The following KIAA0825 variants were observed in gnomAD, a reference collection of about 807,000 sequenced individuals.
The protein encoded by KIAA0825 is uncharacterized protein KIAA0825.
Under a neutral mutation model 147.6 loss-of-function variants are expected in KIAA0825, and 119 were observed. The ratio of observed to expected loss-of-function variants is 0.81; its 90% confidence interval spans 0.69 to 0.94. The LOEUF is 0.94. Ranked by LOEUF, KIAA0825 falls within the 40% of genes least tolerant of loss-of-function variation. The pLI, the probability that KIAA0825 is intolerant of heterozygous loss-of-function variation, is 0.00. For missense variants in KIAA0825, 1,381 were observed against 1,472.7 expected, an observed-to-expected ratio of 0.94 and a Z score of 1.02; for synonymous variants, 470 against 518.1, an observed-to-expected ratio of 0.91 and a Z score of 1.26.
intron 20 of KIAA0825, among the ~76,000 whole-genome samples, chr5:94,362,090 C>A (rs992658100): frequency 6.6e-6 from 1 of 152,188 alleles, no homozygotes; most frequent in Non-Finnish European, 1.5e-5. Context: ...GAAGGTACAT[C>A]CTATCCAAGC....
At chr5:94,568,077 C>T (rs114365608) in intron 2 of KIAA0825, 2 of 164,442 alleles carry the variant, frequency 1.2e-5, no homozygotes, top group Non-Finnish European at 2.6e-5. Flanking sequence ...ATGGTAGTCA[C>T]AATCGGCATC....
At chr5:94,191,529 A>T (rs1353826624) in intron 20 of KIAA0825, among the ~76,000 whole-genome samples, 2 of 152,332 alleles carry the variant, frequency 1.3e-5, no homozygotes, top group Admixed American at 6.5e-5. Context: ...GACTTTTAGG[A>T]TTCATTAAAA....
rs114078901 is a variant in KIAA0825, at chr5:94,394,620, A to G, written c.3296+1481T>C. ...CATTGCTTTAAATGGACCTTATTTG[A>G]TATAGGGGCTACTAAATGAGCAGTA... On this transcript the variant is annotated intron_variant, in intron 17 of 20. Transcript: ENST00000682413. Among the ~76,000 whole-genome samples, 273 of 152,270 alleles carry G rather than the reference A, an allele frequency of 1.8e-3. 2 individuals carry two copies. Among genetic ancestry groups the G allele is most frequent in the African/African-American group, 6.3e-3 (262 of 41,558 alleles).
chr5:94,608,452 T>TATATATATATATA, intron 1 of KIAA0825, among the ~76,000 whole-genome samples: 1 of 720 alleles, frequency 1.4e-3, no homozygotes, highest in Non-Finnish European at 3.5e-3. Context: ...TGTGTGTGTG[T>TATATATATATATA]ATATATATAT....
chr5:94,152,531 ATT>A lies in KIAA0825; in HGVS notation c.*1474_*1475del, dbSNP rs1421006040. Reference sequence around the variant, plus strand: ...AGTGAGACCCCATCTCTACAAAAACATTTTAAAAATTAACCAGGTGTGGTGGC... The same window carrying A: ...AGTGAGACCCCATCTCTACAAAAACATTAAAAATTAACCAGGTGTGGTGGC... On this transcript the variant is annotated 3_prime_UTR_variant, in exon 21 of 21. Transcript: ENST00000682413. 1.3e-5 allele frequency among the ~76,000 whole-genome samples: 2 copies of A among 151,750 alleles called. No homozygotes were observed. Among genetic ancestry groups the A allele is most frequent in the Non-Finnish European group, 2.9e-5 (2 of 67,946 alleles).
chr5:94,157,291 G>A (rs1252189521), intron 20 of KIAA0825, among the ~76,000 whole-genome samples: 1 of 152,088 alleles, frequency 6.6e-6, no homozygotes, highest in Non-Finnish European at 1.5e-5. Context: ...CCCCACAGCT[G>A]GTGGCAATGA....
rs192069298 is a variant in KIAA0825 at position 94,300,134 on chromosome 5, G to A, written c.3710+84234C>T. Among the ~76,000 whole-genome samples the A allele has an allele frequency of 1.5e-3, 224 of 151,908 alleles. 3 individuals carry two copies. The highest frequency in any genetic ancestry group is 6.4e-3 in the Admixed American group (97 of 15,260). On this transcript the variant is annotated intron_variant, in intron 20 of 20. Transcript: ENST00000682413. Reference sequence around the variant, plus strand: ...ATTGTATCCAATTTATACATATTAGGAGATCATAAGAATACTTAACATATA... The same window carrying A: ...ATTGTATCCAATTTATACATATTAGAAGATCATAAGAATACTTAACATATA...
chr5:94,509,014 C>T (rs1766119882), intron 5 of KIAA0825, among the ~76,000 whole-genome samples: 1 of 152,228 alleles, frequency 6.6e-6, no homozygotes, highest in Non-Finnish European at 1.5e-5. Context: ...CTATACACAG[C>T]TGCCTGTGAC....
chr5:94,515,525 C>T (rs371550300), intron 5 of KIAA0825, among the ~76,000 whole-genome samples: 14 of 152,192 alleles, frequency 9.2e-5, no homozygotes, highest in East Asian at 3.9e-4. Context: ...GGTGTGGTGG[C>T]TCACTCTTGT....
chr5:94,213,000 C>T (rs780287980), intron 20 of KIAA0825, among the ~76,000 whole-genome samples: 12 of 152,074 alleles, frequency 7.9e-5, no homozygotes, highest in Non-Finnish European at 1.2e-4. Flanking sequence ...ACATTATGTA[C>T]ATTATCTCAT....
intron 3 of KIAA0825, among the ~76,000 whole-genome samples, chr5:94,534,790 T>C (rs1771627721): frequency 6.6e-6 from 1 of 152,168 alleles, no homozygotes; most frequent in South Asian, 2.1e-4. Context: ...TGACTTGTTT[T>C]ATTCTGATGG....
At chr5:94,615,459 T>C (rs1468811513) in intron 1 of KIAA0825, 1 of 152,218 alleles carries the variant, frequency 6.6e-6, no homozygotes, top group Non-Finnish European at 1.5e-5. Context: ...ATCATAGCTG[T>C]GTTTAATGAC....
At position 94,265,104 on chromosome 5, in the gene KIAA0825, A is replaced by G. The variant is rs376417172; in HGVS notation, c.3711-110980T>C. On this transcript the variant is annotated intron_variant, in intron 20 of 20. Coordinates refer to ENST00000682413, the MANE Select transcript of KIAA0825 (RefSeq NM_001145678.3). The stretch of plus-strand genomic sequence containing the variant: ...GGTCCATACACACACATTTTATTCT[A>G]TAGGTTCAGCGATATGAAATTGCCA... Among the ~76,000 whole-genome samples the G allele has an allele frequency of 6.0e-4, 91 of 152,194 alleles. 1 individual carries two copies. Among genetic ancestry groups the G allele is most frequent in the African/African-American group, 2.1e-3 (87 of 41,526 alleles).
intron 2 of KIAA0825, among the ~76,000 whole-genome samples, chr5:94,564,095 C>CT (rs1213042843): frequency 2.0e-5 from 3 of 152,046 alleles, no homozygotes; most frequent in Admixed American, 2.0e-4. Context: ...ACTAGTTCCG[C>CT]TTTCTTTCTT....
intron 20 of KIAA0825, among the ~76,000 whole-genome samples, chr5:94,315,155 GT>G (rs947275643): frequency 1.3e-5 from 2 of 151,644 alleles, no homozygotes; most frequent in Non-Finnish European, 3.0e-5. Context: ...TCCCACCAGT[GT>G]TTTAAATAAT....
chr5:94,550,776 A>T (rs1004937866), intron 2 of KIAA0825, among the ~76,000 whole-genome samples: 2 of 151,234 alleles, frequency 1.3e-5, no homozygotes, highest in Non-Finnish European at 2.9e-5. Flanking sequence ...CGGGAGGCGG[A>T]GCTTGCAGTG....
At chr5:94,356,721 A>ATTTTTTTTTTTTTTT (rs1156680490) in intron 20 of KIAA0825, among the ~76,000 whole-genome samples, 2 of 112,540 alleles carry the variant, frequency 1.8e-5, no homozygotes, top group Admixed American at 8.3e-5. Flanking sequence ...GTTTAACTTG[A>ATTTTTTTTTTTTTTT]TTTCTTTTTT....
chr5:94,425,339 T>C (rs1754721736), intron 14 of KIAA0825, among the ~76,000 whole-genome samples: 1 of 152,048 alleles, frequency 6.6e-6, no homozygotes, highest in African/African-American at 2.4e-5. Context: ...CATACATAAA[T>C]CAATAAACCT....
intron 13 of KIAA0825, among the ~76,000 whole-genome samples, chr5:94,440,989 G>A (rs1584498921): frequency 6.6e-6 from 1 of 152,184 alleles, no homozygotes; most frequent in South Asian, 2.1e-4. Flanking sequence ...TAGGAATAGG[G>A]CGGCACAGGG....
Sources: gnomAD v4.1 joint callset for allele counts (sites outside exome capture counted in the v4.1 genomes callset) on GRCh38, gnomAD v4.1.1 for gene constraint, MANE v1.5 for transcripts, NCBI Gene and HGNC (gene_info 2026-07-23, HGNC 2026-07-21) for gene names.